Variants in RASGRP1 observed in about 807,000 individuals in gnomAD.
RASGRP1 encodes RAS guanyl releasing protein 1.
Under a neutral mutation model 95.1 loss-of-function variants are expected in RASGRP1, and 37 were observed. The observed-to-expected ratio is 0.39, with a 90% CI of 0.30 to 0.51. The LOEUF (loss-of-function observed/expected upper bound fraction) is 0.51. RASGRP1 is among the 20% of genes least tolerant of loss of function. The probability of loss-of-function intolerance (pLI) is 0.80; values close to 1 mark genes in which losing one functional copy is unlikely to be tolerated. For missense variants in RASGRP1, 711 were observed against 965.4 expected (o/e 0.74, Z 3.49); for synonymous variants, 325 against 353.4 (o/e 0.92, Z 0.90).
At chr15:38,501,087 A>G (rs1891001556) in intron 13 of RASGRP1, 56 bp downstream of exon 13, 2 of 1,512,422 alleles carry the variant, frequency 1.3e-6, no homozygotes, top group South Asian at 2.6e-5. Flanking sequence ...GCCTGTCTTA[A>G]AGTATCCCAC....
Position 38,490,296 on chromosome 15 carries a change from G to T in RASGRP1, c.*258C>A. The stretch of plus-strand genomic sequence containing the variant: ...GGAAATGATAGTCATGTTTTAGATC[G>T]CATACTTTTGATGAACATCAGTGGT... On this transcript the variant is annotated 3_prime_UTR_variant, in exon 17 of 17. Transcript: ENST00000310803. 1 of 294,100 alleles carries T rather than the reference G, an allele frequency of 3.4e-6. No individual in the cohort carries two copies. 18.2% of individuals were successfully genotyped at this position (294,100 alleles called of 1,614,324 possible). A position where few individuals can be genotyped will look rare whatever the true frequency, so the allele number is the denominator to read the frequency against.
At chr15:38,493,227 G>C (rs1412809043) in intron 16 of RASGRP1, among the ~76,000 whole-genome samples, 6 of 133,642 alleles carry the variant, frequency 4.5e-5, no homozygotes, top group Admixed American at 4.1e-4. Flanking sequence ...GCCTAGGCTA[G>C]AGTGCCGTGG....
intron 10 of RASGRP1, chr15:38,503,614 T>C (rs1445224540): frequency 1.9e-6 from 1 of 519,254 alleles, no homozygotes; most frequent in Non-Finnish European, 3.4e-6. Context: ...CTACAGATAA[T>C]TTGAAATTCT....
chr15:38,522,275 C>T (rs1892032200), intron 3 of RASGRP1, among the ~76,000 whole-genome samples: 1 of 152,062 alleles, frequency 6.6e-6, no homozygotes, highest in African/African-American at 2.4e-5. Context: ...TTTTCAGTAC[C>T]CTTGCAATCT....
intron 12 of RASGRP1, among the ~76,000 whole-genome samples, chr15:38,501,681 A>G (rs182719134): frequency 5.3e-4 from 81 of 152,348 alleles, no homozygotes; most frequent in Middle Eastern, 3.4e-3. Context: ...TTTCCTATAG[A>G]GAACCAAGAT....
At chr15:38,509,410 A>G (rs553124763) in intron 8 of RASGRP1, among the ~76,000 whole-genome samples, 1 of 152,310 alleles carries the variant, frequency 6.6e-6, no homozygotes, top group South Asian at 2.1e-4. Context: ...TCATCATGCT[A>G]CTCAGCACAG....
chr15:38,537,719 A>G (rs1892710822), intron 2 of RASGRP1, among the ~76,000 whole-genome samples: 1 of 152,162 alleles, frequency 6.6e-6, no homozygotes, highest in Non-Finnish European at 1.5e-5. Context: ...ATTACATTTC[A>G]ACATGAGATT....
At chr15:38,548,452 T>C (rs1393091228) in intron 2 of RASGRP1, among the ~76,000 whole-genome samples, 4 of 152,134 alleles carry the variant, frequency 2.6e-5, no homozygotes, top group Non-Finnish European at 4.4e-5. Flanking sequence ...CACATGCTTA[T>C]AGTCCCAGCT....
chr15:38,508,753 C>G (rs1262729251), intron 8 of RASGRP1, among the ~76,000 whole-genome samples: 1 of 152,194 alleles, frequency 6.6e-6, no homozygotes, highest in Non-Finnish European at 1.5e-5. Context: ...GCAGCCAGAT[C>G]TAGTTTTCTT....
intron 2 of RASGRP1, among the ~76,000 whole-genome samples, chr15:38,531,757 T>G (rs148489193): frequency 7.1e-4 from 108 of 151,576 alleles, no homozygotes; most frequent in African/African-American, 2.3e-3. Flanking sequence ...ACACTCTCTC[T>G]CTACACCCAG....
rs567079873 is a variant in RASGRP1, at chr15:38,551,521, T to C, written c.220+8300A>G. On this transcript the variant is annotated intron_variant, in intron 2 of 16. Coordinates refer to ENST00000310803, the MANE Select transcript of RASGRP1 (RefSeq NM_005739.4). ...TGATCATCCACGACAATGTATGATA[T>C]GGAATTATACACTGGGTTAAGTAAA... 2.7e-4 allele frequency among the ~76,000 whole-genome samples: 41 copies of C among 152,306 alleles called. 1 individual carries two copies. The highest frequency in any genetic ancestry group is 6.8e-3 in the Middle Eastern group (2 of 294).
chr15:38,542,922 TA>T (rs1211801922), intron 2 of RASGRP1, among the ~76,000 whole-genome samples: 1 of 147,044 alleles, frequency 6.8e-6, no homozygotes, highest in Non-Finnish European at 1.5e-5. Flanking sequence ...TATATGTGTG[TA>T]TATATATGTG....
In RASGRP1 at chr15:38,503,252, C is replaced by T; in HGVS notation, c.1428+20G>A. On this transcript the variant is annotated intron_variant, in intron 11 of 16. Transcript: ENST00000310803. ...CCAGGCAATGCCTAGTTTTTGTGTG[C>T]TGAACACAGCTGTACTTACATCCAC... 2 of 1,569,572 alleles carry T rather than the reference C, an allele frequency of 1.3e-6. No homozygotes were observed. The highest frequency in any genetic ancestry group is 2.2e-5 in the East Asian group (1 of 44,470).
intron 15 of RASGRP1, 33 bp from the exon 16 acceptor site, chr15:38,494,800 A>G: frequency 7.2e-7 from 1 of 1,386,586 alleles, no homozygotes; most frequent in African/African-American, 1.4e-5. Flanking sequence ...CTAGTACTCT[A>G]GCTCAGGAAA....
intron 2 of RASGRP1, among the ~76,000 whole-genome samples, chr15:38,545,368 T>C (rs74009826): frequency 0.034 from 5,171 of 152,270 alleles, 305 homozygotes; most frequent in African/African-American, 0.12. Flanking sequence ...TACTGCTTCA[T>C]ATGCCCAGCA....
At position 38,489,209 on chromosome 15, in the gene RASGRP1, A is replaced by T. The variant is rs1468666092; in HGVS notation, c.*1345T>A. 6.6e-6 allele frequency: 1 copy of T among 151,786 alleles called. No homozygotes were observed. Among genetic ancestry groups the T allele is most frequent in the Non-Finnish European group, 1.5e-5 (1 of 67,836 alleles). 9.4% of individuals were successfully genotyped at this position (151,786 alleles called of 1,614,324 possible). On this transcript the variant is annotated 3_prime_UTR_variant, in exon 17 of 17. Transcript: ENST00000310803. Reference sequence around the variant, plus strand: ...CAGTCTGGTACCAGACTTTATAGGCATGGAAGCTAAGTACCCCCAAAAAGG... The same window carrying T: ...CAGTCTGGTACCAGACTTTATAGGCTTGGAAGCTAAGTACCCCCAAAAAGG...
At chr15:38,556,342 C>G (rs984514535) in intron 2 of RASGRP1, among the ~76,000 whole-genome samples, 2 of 152,158 alleles carry the variant, frequency 1.3e-5, no homozygotes, top group African/African-American at 4.8e-5. Flanking sequence ...TGAAAGTGCT[C>G]TTAATTTATA....
intron 2 of RASGRP1, among the ~76,000 whole-genome samples, chr15:38,538,051 G>A (rs138642871): frequency 0.029 from 4,417 of 152,212 alleles, 95 homozygotes; most frequent in Non-Finnish European, 0.045. Flanking sequence ...ATTACCCGAG[G>A]TCAGGAGTTC....
intron 2 of RASGRP1, among the ~76,000 whole-genome samples, chr15:38,544,261 A>G (rs980824616): frequency 6.6e-6 from 1 of 152,140 alleles, no homozygotes; most frequent in African/African-American, 2.4e-5. Flanking sequence ...GACCCCCAGG[A>G]ACTATTAGGG....
Sources: allele counts gnomAD v4.1 joint callset (sites outside exome capture counted in the v4.1 genomes callset), GRCh38; gene constraint gnomAD v4.1.1; transcripts MANE v1.5; gene names NCBI Gene and HGNC (gene_info 2026-07-23, HGNC 2026-07-21).